The following FLRT2 variants were observed in gnomAD, a reference collection of about 807,000 sequenced individuals.
The protein encoded by FLRT2 is fibronectin leucine rich transmembrane protein 2, also known as leucine-rich repeat transmembrane protein FLRT2.
In FLRT2, 15 loss-of-function variants were observed where a neutral mutation model predicts 40.0. The ratio of observed to expected loss-of-function variants is 0.38; its 90% CI spans 0.25 to 0.58. The LOEUF (loss-of-function observed/expected upper bound fraction) is 0.58, where lower values mean the gene tolerates loss of function less well. Among genes scored for constraint, FLRT2 ranks in the 20% least tolerant of loss-of-function variants. The pLI is 0.71. For synonymous variants in FLRT2, 380 were observed against 336.8 expected (o/e 1.13, Z -1.41); for missense variants, 726 against 840.0 (o/e 0.86, Z 1.68).
At position 85,635,485 on chromosome 14, in the gene FLRT2, C is replaced by A. The variant is rs1268663521; in HGVS notation, c.*11988C>A. 1 of 151,614 alleles carries A rather than the reference C, an allele frequency of 6.6e-6. No homozygotes were observed. The highest frequency in any genetic ancestry group is 1.9e-4 in the East Asian group (1 of 5,184). The allele number at this position is 151,614 out of a possible 1,614,324, so 9.4% of individuals were successfully genotyped here. A position where few individuals can be genotyped will look rare whatever the true frequency, so the allele number is the denominator to read the frequency against. On this transcript the variant is annotated 3_prime_UTR_variant, in exon 2 of 2. Coordinates refer to ENST00000330753, the MANE Select transcript of FLRT2 (RefSeq NM_013231.6). The stretch of plus-strand genomic sequence containing the variant: ...GTCAAAATTATCAAAGATAGAGTGT[C>A]GTACAATAAAAATTGTATAAAAAAT...
At chr14:85,600,935 A>T (rs530253423) in intron 1 of FLRT2, among the ~76,000 whole-genome samples, 68 of 152,338 alleles carry the variant, frequency 4.5e-4, no homozygotes, top group African/African-American at 1.6e-3. Context: ...TCGTTGAATG[A>T]CAAGTTTAGT....
intron 1 of FLRT2, among the ~76,000 whole-genome samples, chr14:85,564,922 A>G (rs1595031177): frequency 6.6e-6 from 1 of 152,228 alleles, no homozygotes; most frequent in Non-Finnish European, 1.5e-5. Context: ...GACTCATCCT[A>G]TGATCACTAG....
intron 1 of FLRT2, among the ~76,000 whole-genome samples, chr14:85,612,215 T>C (rs1892921384): frequency 6.6e-6 from 1 of 151,916 alleles, no homozygotes; most frequent in African/African-American, 2.4e-5. Flanking sequence ...TTTTTGCCTT[T>C]GGGGTAGAGT....
At chr14:85,615,191 G>A (rs1433860601) in intron 1 of FLRT2, among the ~76,000 whole-genome samples, 1 of 152,192 alleles carries the variant, frequency 6.6e-6, no homozygotes, top group East Asian at 1.9e-4. Context: ...GGGATGATCA[G>A]TGGGATCTCC....
intron 1 of FLRT2, among the ~76,000 whole-genome samples, chr14:85,549,049 A>G (rs966709646): frequency 6.6e-6 from 1 of 152,094 alleles, no homozygotes. Flanking sequence ...CCAGGGGAAG[A>G]CCACCTTCCC....
Position 85,643,354 on chromosome 14 carries a change from T to TTCCTTCCTTCCTTCCTTC in FLRT2, c.*19857_*19858insTCCTTCCTTCCTTCCTTC, listed in dbSNP as rs1491559808. 6.3e-4 allele frequency: 29 copies of TTCCTTCCTTCCTTCCTTC among 46,064 alleles called. No individual in the cohort carries two copies. Among genetic ancestry groups the TTCCTTCCTTCCTTCCTTC allele is most frequent in the South Asian group, 2.2e-3 (2 of 920 alleles). 2.9% of individuals were successfully genotyped at this position (46,064 alleles called of 1,614,324 possible). ...TTCTTTCTTTCTTTCTTTCTTTCTTTCTTCCTTCCTTCCTTCCTTCCTTTC... is the reference window on the plus strand; with the variant it reads ...TTCTTTCTTTCTTTCTTTCTTTCTTTTCCTTCCTTCCTTCCTTCCTTCCTTCCTTCCTTCCTTCCTTTC... On this transcript the variant is annotated 3_prime_UTR_variant, in exon 2 of 2. Coordinates refer to ENST00000330753, the MANE Select transcript of FLRT2 (RefSeq NM_013231.6).
At chr14:85,575,795 A>G (rs1891105958) in intron 1 of FLRT2, among the ~76,000 whole-genome samples, 1 of 152,230 alleles carries the variant, frequency 6.6e-6, no homozygotes. Flanking sequence ...CTGAAGCCCT[A>G]GTCTACAGCT....
intron 1 of FLRT2, among the ~76,000 whole-genome samples, chr14:85,554,894 C>A (rs753322249): frequency 9.2e-5 from 14 of 152,168 alleles, no homozygotes; most frequent in Non-Finnish European, 1.9e-4. Flanking sequence ...AGTTTGCCGT[C>A]CTGCAGAGTC....
chr14:85,557,700 C>G (rs1890054656), intron 1 of FLRT2, among the ~76,000 whole-genome samples: 1 of 152,008 alleles, frequency 6.6e-6, no homozygotes. Flanking sequence ...GCCTGTAATC[C>G]CAGCTACTTG....
At chr14:85,585,771 A>C (rs1403580593) in intron 1 of FLRT2, among the ~76,000 whole-genome samples, 1 of 152,096 alleles carries the variant, frequency 6.6e-6, no homozygotes, top group African/African-American at 2.4e-5. Flanking sequence ...AAGGAGATAT[A>C]AAGCTACAAG....
intron 1 of FLRT2, among the ~76,000 whole-genome samples, chr14:85,588,788 C>T (rs1472020326): frequency 1.8e-4 from 28 of 152,130 alleles, no homozygotes; most frequent in Admixed American, 1.8e-3. Context: ...CTTCCAGCCT[C>T]TGGTAACCAT....
chr14:85,612,896 C>T (rs954834646), intron 1 of FLRT2, among the ~76,000 whole-genome samples: 1 of 152,070 alleles, frequency 6.6e-6, no homozygotes, highest in Non-Finnish European at 1.5e-5. Context: ...TATCTTCGAC[C>T]GAAATGTGTA....
chr14:85,536,298 G>C (rs2139801601), intron 1 of FLRT2, among the ~76,000 whole-genome samples: 1 of 152,074 alleles, frequency 6.6e-6, no homozygotes, highest in South Asian at 2.1e-4. Flanking sequence ...TTATTCTGTA[G>C]AGACCCAGTG....
chr14:85,598,903 G>C (rs1044933599), intron 1 of FLRT2, among the ~76,000 whole-genome samples: 4 of 147,282 alleles, frequency 2.7e-5, no homozygotes, highest in Non-Finnish European at 5.9e-5. Context: ...GATGAAATAA[G>C]AGAAATGGGA....
chr14:85,576,802 A>C (rs10137468), intron 1 of FLRT2, among the ~76,000 whole-genome samples: 41,155 of 152,100 alleles, frequency 0.27, 6,719 homozygotes, highest in African/African-American at 0.45. Context: ...ACACACCTTG[A>C]AAGTATTCCA....
chr14:85,626,511 G>C lies in FLRT2; in HGVS notation c.*3014G>C, dbSNP rs1043600445. ...GTACAGAAGACATTGAAAAGGAAGA[G>C]GCATAGTCATGATCAAAAGGATATA... On this transcript the variant is annotated 3_prime_UTR_variant, in exon 2 of 2. Transcript: ENST00000330753. 3 of 167,058 alleles carry C rather than the reference G, an allele frequency of 1.8e-5. No individual in the cohort carries two copies. The highest frequency in any genetic ancestry group is 4.4e-5 in the Non-Finnish European group (3 of 68,116). 10.3% of individuals were successfully genotyped at this position (167,058 alleles called of 1,614,324 possible).
At chr14:85,547,747 T>A (rs565616403) in intron 1 of FLRT2, among the ~76,000 whole-genome samples, 1 of 152,276 alleles carries the variant, frequency 6.6e-6, no homozygotes, top group Non-Finnish European at 1.5e-5. Flanking sequence ...TGACACAGCC[T>A]CAGGAGGTCC....
intron 1 of FLRT2, among the ~76,000 whole-genome samples, chr14:85,532,664 C>G (rs1888358477): frequency 6.6e-6 from 1 of 152,080 alleles, no homozygotes; most frequent in African/African-American, 2.4e-5. Flanking sequence ...TAAATTAATC[C>G]TATTAAATTT....
chr14:85,623,037 T>G lies in FLRT2; in HGVS notation c.1523T>G (p.Ile508Ser). ...AACTACCGCGCGGTAGAAGACACCA[T>G]TTGTTCAGAGGCCACCACCCATGCC... ...AFNYRAVEDT[I>S]CSEATTHASY... is the part of the protein sequence containing the mutation. The change falls in exon 2 of 2, where the codon ATT becomes AGT. Residue 508 changes from isoleucine (I) to serine (S), a missense_variant. By Grantham distance (142) the Ile-to-Ser change is moderately radical. Around this residue, in one of 3 missense-constraint regions of FLRT2, gnomAD observed 611 missense variants for 690.0 expected, o/e 0.89. Transcript: ENST00000330753. The G allele has an allele frequency of 5.6e-6, 9 of 1,614,154 alleles. No individual in the cohort carries two copies. Among genetic ancestry groups the G allele is most frequent in the Non-Finnish European group, 7.6e-6 (9 of 1,180,024 alleles).
Sources: allele counts gnomAD v4.1 joint callset (sites outside exome capture counted in the v4.1 genomes callset), GRCh38; gene constraint gnomAD v4.1.1; regional missense constraint gnomAD v4.1.1; transcripts MANE v1.5; gene names NCBI Gene and HGNC (gene_info 2026-07-23, HGNC 2026-07-21).